The following MRTFB variants were observed in gnomAD, a reference collection of about 807,000 sequenced individuals.
MRTFB encodes myocardin related transcription factor B.
MRTFB carries 29 observed loss-of-function variants against 104.2 expected under a neutral mutation model. The ratio of observed to expected loss-of-function variants is 0.28; its 90% confidence interval spans 0.21 to 0.38. The LOEUF (loss-of-function observed/expected upper bound fraction) is 0.38. Ranked by LOEUF, MRTFB falls within the 10% of genes least tolerant of loss-of-function variation. MRTFB has a pLI of 1.00. For missense variants in MRTFB, 1,270 were observed against 1,341.6 expected, an observed-to-expected ratio of 0.95 and a Z score of 0.83; for synonymous variants, 535 against 519.5, an observed-to-expected ratio of 1.03 and a Z score of -0.41.
chr16:14,202,096 A>G (rs2040730083), intron 3 of MRTFB, among the ~76,000 whole-genome samples: 1 of 151,360 alleles, frequency 6.6e-6, no homozygotes, highest in Admixed American at 6.6e-5. Flanking sequence ...TTATATTTGT[A>G]TAAAATTCTA....
chr16:14,116,295 T>C (rs1567340791), intron 2 of MRTFB, among the ~76,000 whole-genome samples: 1 of 152,172 alleles, frequency 6.6e-6, no homozygotes, highest in Non-Finnish European at 1.5e-5. Context: ...CATCTATTTT[T>C]CAGGTCTTGG....
At chr16:14,069,108 T>C (rs978918192), upstream of MRTFB, among the ~76,000 whole-genome samples, 21 of 151,948 alleles carry the variant, frequency 1.4e-4, no homozygotes, top group Non-Finnish European at 2.2e-4. Context: ...TAGCTGGGAT[T>C]ACAGGCACCC....
Position 14,252,013 on chromosome 16 carries a change from C to T in MRTFB, c.2555C>T (p.Thr852Ile). The change falls in exon 14 of 17, where the codon ACA becomes ATA. Residue 852 changes from threonine to isoleucine, a missense_variant. Thr to Ile is a moderately conservative substitution (Grantham distance 89). This residue lies in a region of MRTFB where 1,144 missense variants were observed against 1,131.5 expected (regional missense o/e 1.01). Transcript: ENST00000571589. Reference protein sequence around the residue: ...PLPSLQNGPNTPNKPSSPPPP... With the variant: ...PLPSLQNGPNIPNKPSSPPPP... Reference sequence around the variant, plus strand: ...CCATCCCTGCAAAATGGACCTAACACACCCAACAAGGTAACCCTGTGAGGC... The same window carrying T: ...CCATCCCTGCAAAATGGACCTAACATACCCAACAAGGTAACCCTGTGAGGC... 6.2e-7 allele frequency: 1 copy of T among 1,614,080 alleles called. No individual in the cohort carries two copies. Among genetic ancestry groups the T allele is most frequent in the South Asian group, 1.1e-5 (1 of 91,076 alleles).
At chr16:14,229,708 T>C (rs1027193577) in intron 8 of MRTFB, among the ~76,000 whole-genome samples, 1 of 152,096 alleles carries the variant, frequency 6.6e-6, no homozygotes, top group South Asian at 2.1e-4. Flanking sequence ...CCATTTCTAG[T>C]AGGAGAAAAG....
At chr16:13,999,302 A>G in the MRTFB span, among the ~76,000 whole-genome samples, 1 of 152,006 alleles carries the variant, frequency 6.6e-6, no homozygotes, top group Non-Finnish European at 1.5e-5. Context: ...CTTGTGGCTC[A>G]GCATATTTCT....
intron 10 of MRTFB, 73 bp from the exon 11 acceptor site, chr16:14,245,455 A>C (rs942260904): frequency 4.4e-6 from 6 of 1,356,862 alleles, no homozygotes; most frequent in Admixed American, 2.1e-5. Context: ...AAGTTAGTCA[A>C]ATTGTTAATA....
intron 2 of MRTFB, among the ~76,000 whole-genome samples, chr16:14,135,607 C>T (rs72783500): frequency 0.058 from 8,851 of 152,338 alleles, 503 homozygotes; most frequent in East Asian, 0.29. Flanking sequence ...TGTCATTAAG[C>T]ATGACTATAT....
At chr16:14,127,915 ATATATATATATATATTTT>A (rs1158668004) in intron 2 of MRTFB, among the ~76,000 whole-genome samples, 1 of 48,906 alleles carries the variant, frequency 2.0e-5, no homozygotes, top group Non-Finnish European at 3.7e-5. Flanking sequence ...ATATATATAT[ATATATATATATATATTTT>A]TTTTTTTTTT....
chr16:14,181,904 T>C (rs1041046632), intron 3 of MRTFB, among the ~76,000 whole-genome samples: 5 of 152,108 alleles, frequency 3.3e-5, no homozygotes, highest in African/African-American at 1.2e-4. Flanking sequence ...CCTGGGGTGG[T>C]GGGAAAATGG....
At chr16:14,129,018 C>T (rs1342459261) in intron 2 of MRTFB, among the ~76,000 whole-genome samples, 6 of 152,214 alleles carry the variant, frequency 3.9e-5, no homozygotes, top group Non-Finnish European at 8.8e-5. Context: ...AGTATTGAAG[C>T]CCTTTGAGTA....
At chr16:14,080,753 A>G (rs2034349528) in intron 2 of MRTFB, among the ~76,000 whole-genome samples, 2 of 152,126 alleles carry the variant, frequency 1.3e-5, no homozygotes, top group African/African-American at 2.4e-5. Context: ...AAGAACATGT[A>G]GTATTTGTCT....
chr16:14,030,354 G>C, the MRTFB span, among the ~76,000 whole-genome samples: 1 of 152,172 alleles, frequency 6.6e-6, no homozygotes, highest in Non-Finnish European at 1.5e-5. Flanking sequence ...CACTGCCACG[G>C]AGTCAGATAT....
At chr16:14,007,405 A>G in the MRTFB span, among the ~76,000 whole-genome samples, 2 of 152,168 alleles carry the variant, frequency 1.3e-5, no homozygotes, top group African/African-American at 2.4e-5. Context: ...TGCGGCAGGG[A>G]TCAGTTCTTC....
At position 14,201,115 on chromosome 16, in the gene MRTFB, G is replaced by T. The variant is rs559365221; in HGVS notation, c.155-9128G>T. ...CACTTAAAAACTTTATTTATAAAAAGGAAAAATAGTTTTCGTATTAAGTTT... is the reference window on the plus strand; with the variant it reads ...CACTTAAAAACTTTATTTATAAAAATGAAAAATAGTTTTCGTATTAAGTTT... On this transcript the variant is annotated intron_variant, in intron 3 of 16. Transcript: ENST00000571589. 37 of 1,308,908 alleles carry T rather than the reference G, an allele frequency of 2.8e-5. No homozygotes were observed. In the African/African-American group the frequency reaches 5.3e-4, roughly 19 times the overall value. 81.1% of individuals were successfully genotyped at this position (1,308,908 alleles called of 1,614,324 possible).
chr16:14,070,022 G>A (rs1276760533), upstream of MRTFB, among the ~76,000 whole-genome samples: 2 of 152,212 alleles, frequency 1.3e-5, no homozygotes, highest in African/African-American at 4.8e-5. Flanking sequence ...GTTCCGGGGA[G>A]AGTGGACAGG....
intron 3 of MRTFB, among the ~76,000 whole-genome samples, chr16:14,197,367 C>A (rs2040486093): frequency 6.6e-6 from 1 of 152,062 alleles, no homozygotes; most frequent in African/African-American, 2.4e-5. Flanking sequence ...CTTTTTTACT[C>A]ATAGCCCCTC....
At chr16:14,038,617 A>C in the MRTFB span, among the ~76,000 whole-genome samples, 1 of 152,322 alleles carries the variant, frequency 6.6e-6, no homozygotes, top group South Asian at 2.1e-4. Context: ...TTTGGCAGGC[A>C]ACCATATCTG....
intron 8 of MRTFB, among the ~76,000 whole-genome samples, chr16:14,224,291 G>C (rs1271215315): frequency 6.6e-6 from 1 of 152,142 alleles, no homozygotes; most frequent in African/African-American, 2.4e-5. Context: ...TGACAGTTTT[G>C]TTGTTGTGAA....
upstream of MRTFB, among the ~76,000 whole-genome samples, chr16:14,066,902 C>T (rs572795370): frequency 3.3e-4 from 50 of 151,006 alleles, no homozygotes; most frequent in African/African-American, 8.7e-4. Context: ...AACTCCTGGC[C>T]TCATTCAATC....
Sources: gnomAD v4.1 joint callset for allele counts (sites outside exome capture counted in the v4.1 genomes callset) on GRCh38, gnomAD v4.1.1 for gene constraint, gnomAD v4.1.1 regional missense constraint, MANE v1.5 for transcripts, NCBI Gene and HGNC (gene_info 2026-07-23, HGNC 2026-07-21) for gene names.